Variants in ARID2 observed in about 807,000 individuals in gnomAD.
ARID2 encodes AT-rich interaction domain 2.
A neutral mutation model predicts 184.6 loss-of-function variants in ARID2; 32 were observed. That is an observed-to-expected ratio of 0.17 (90% CI 0.13 to 0.23). The LOEUF (loss-of-function observed/expected upper bound fraction) is 0.23. ARID2 is among the 10% of genes least tolerant of loss of function. ARID2 has a pLI of 1.00. For missense variants in ARID2, 1,696 were observed against 2,197.6 expected, an observed-to-expected ratio of 0.77 and a Z score of 4.56; for synonymous variants, 836 against 772.6, an observed-to-expected ratio of 1.08 and a Z score of -1.36.
At chr12:45,880,720 T>C (rs546161151) in intron 16 of ARID2, among the ~76,000 whole-genome samples, 1 of 152,348 alleles carries the variant, frequency 6.6e-6, no homozygotes, top group South Asian at 2.1e-4. Context: ...TTATACATGC[T>C]GATGTCTCAA....
rs914435442 is a variant in ARID2, at chr12:45,771,290, G to A, written c.284+39976G>A. On this transcript the variant is annotated intron_variant, in intron 3 of 20. Transcript: ENST00000334344. The stretch of plus-strand genomic sequence containing the variant: ...GGAGAATCGCTTGAGCCCGGGAGGC[G>A]GAGGTTGCAGTCAGCTGAGATCGTG... Among the ~76,000 whole-genome samples, 7 of 151,316 alleles carry A rather than the reference G, an allele frequency of 4.6e-5. No individual in the cohort carries two copies. In the East Asian group the frequency reaches 9.7e-4, roughly 21 times the overall value.
At chr12:45,741,352 C>G (rs1178929141) in intron 3 of ARID2, among the ~76,000 whole-genome samples, 1 of 152,094 alleles carries the variant, frequency 6.6e-6, no homozygotes. Context: ...CGCATGCCAC[C>G]CTGCCCAGCT....
Position 45,849,782 on chromosome 12 carries a change from A to T in ARID2, c.1912+6A>T, listed in dbSNP as rs747543463. The T allele has an allele frequency of 6.2e-7, 1 of 1,604,074 alleles. No homozygotes were observed. On this transcript the variant is annotated splice_donor_region_variant and intron_variant, in intron 14 of 20. Transcript: ENST00000334344. Reference sequence around the variant, plus strand: ...TCCTGCTCCTTCACCTGCAGGTGTTAATTTTTATTGTATTTTTAAAGTATT... The same window carrying T: ...TCCTGCTCCTTCACCTGCAGGTGTTTATTTTTATTGTATTTTTAAAGTATT...
At chr12:45,824,610 G>C (rs1418691599) in intron 6 of ARID2, among the ~76,000 whole-genome samples, 3 of 151,956 alleles carry the variant, frequency 2.0e-5, no homozygotes. Flanking sequence ...GCTGTTGTCA[G>C]AAAGGCAGCA....
chr12:45,829,805 T>C (rs528415687), intron 6 of ARID2, among the ~76,000 whole-genome samples: 1 of 149,498 alleles, frequency 6.7e-6, no homozygotes, highest in African/African-American at 2.4e-5. Context: ...CTTCTTCTTT[T>C]TTTTTTTTTT....
rs758220690 is a variant in ARID2 at position 45,850,927 on chromosome 12, A to C, written c.2804A>C (p.Gln935Pro). ...SVVIVSQPAQ[Q>P]GQTYAPAIHQ... ...GTGATTGTAAGCCAGCCAGCTCAAC[A>C]AGGTCAAACTTATGCACCAGCCATT... Residue 935 changes from glutamine to proline, a missense_variant, in exon 15 of 21, where the codon CAA (glutamine) becomes CCA (proline). Gln to Pro is a moderately conservative substitution (Grantham distance 76, BLOSUM62 -1). This residue lies in a region of ARID2 where 713 missense variants were observed against 824.4 expected (regional missense o/e 0.86). Coordinates refer to ENST00000334344, the MANE Select transcript of ARID2 (RefSeq NM_152641.4). 16 of 1,614,122 alleles carry C rather than the reference A, an allele frequency of 9.9e-6. No homozygotes were observed. The South Asian group carries it at 1.8e-4, about 18-fold the overall frequency.
intron 6 of ARID2, among the ~76,000 whole-genome samples, chr12:45,822,478 T>C (rs1376270190): frequency 2.0e-5 from 3 of 152,182 alleles, no homozygotes; most frequent in African/African-American, 7.2e-5. Flanking sequence ...AATTTGAGGC[T>C]GCAGTGAGCT....
intron 6 of ARID2, among the ~76,000 whole-genome samples, chr12:45,822,551 A>G (rs1422608774): frequency 3.3e-5 from 5 of 152,230 alleles, no homozygotes; most frequent in African/African-American, 1.2e-4. Context: ...AAATCAACCG[A>G]TAAATCAATA....
intron 12 of ARID2, 88 bp from the exon 13 acceptor site, chr12:45,848,729 GGTATAATTATTAGTTTTAA>G: frequency 2.2e-6 from 2 of 894,486 alleles, no homozygotes; most frequent in South Asian, 6.9e-5. Context: ...TTGATTAGTA[GGTATAATTATTAGTTTTAA>G]CACATTGCCT....
chr12:45,888,844 A>G (rs942920695), intron 16 of ARID2, among the ~76,000 whole-genome samples: 4 of 152,130 alleles, frequency 2.6e-5, no homozygotes, highest in Non-Finnish European at 5.9e-5. Flanking sequence ...TATTACAACA[A>G]TTTTTCAGCA....
chr12:45,782,812 A>C (rs1464122473), intron 3 of ARID2, among the ~76,000 whole-genome samples: 1 of 151,826 alleles, frequency 6.6e-6, no homozygotes, highest in African/African-American at 2.4e-5. Flanking sequence ...AAAAAAACTT[A>C]AGAAGTGAAA....
intron 3 of ARID2, among the ~76,000 whole-genome samples, chr12:45,777,072 G>A (rs1031729956): frequency 4.0e-5 from 6 of 151,610 alleles, no homozygotes; most frequent in Non-Finnish European, 7.4e-5. Context: ...GATTACAGAC[G>A]TGACCCATTG....
At chr12:45,738,129 C>T (rs1165413661) in intron 3 of ARID2, among the ~76,000 whole-genome samples, 1 of 151,266 alleles carries the variant, frequency 6.6e-6, no homozygotes, top group Non-Finnish European at 1.5e-5. Context: ...AAATGGGGTA[C>T]CATTTGTTTT....
At chr12:45,730,217 G>A (rs1350230860) in intron 2 of ARID2, 80 bp downstream of exon 2, 1 of 1,402,552 alleles carries the variant, frequency 7.1e-7, no homozygotes, top group Admixed American at 2.1e-5. Flanking sequence ...GTGGGCGCTT[G>A]GGGCTGGGGG....
At position 45,849,827 on chromosome 12, in the gene ARID2, T is replaced by C. The variant is rs1318298194; in HGVS notation, c.1912+51T>C. ...AGTATTACTGATTTAATAATAAAACTGAATGAAAAATATATATTCTATGCA... is the reference window on the plus strand; with the variant it reads ...AGTATTACTGATTTAATAATAAAACCGAATGAAAAATATATATTCTATGCA... On this transcript the variant is annotated intron_variant, in intron 14 of 20. Coordinates refer to ENST00000334344, the MANE Select transcript of ARID2 (RefSeq NM_152641.4). 4 of 1,527,502 alleles carry C rather than the reference T, an allele frequency of 2.6e-6. No individual in the cohort carries two copies. In the Admixed American group the frequency reaches 7.5e-5, roughly 29 times the overall value. 94.6% of individuals were successfully genotyped at this position (1,527,502 alleles called of 1,614,324 possible). A position where few individuals can be genotyped will look rare whatever the true frequency, so the allele number is the denominator to read the frequency against.
At chr12:45,800,505 T>G (rs1042055395) in intron 3 of ARID2, among the ~76,000 whole-genome samples, 3 of 102,606 alleles carry the variant, frequency 2.9e-5, no homozygotes, top group African/African-American at 1.2e-4. Flanking sequence ...CTTTTAGAGA[T>G]AAAGAAATTT....
intron 3 of ARID2, among the ~76,000 whole-genome samples, chr12:45,749,885 T>A (rs1437480965): frequency 6.6e-6 from 1 of 152,246 alleles, no homozygotes; most frequent in Non-Finnish European, 1.5e-5. Context: ...AGGCTTTGGC[T>A]TAAAGGAATG....
intron 6 of ARID2, among the ~76,000 whole-genome samples, chr12:45,823,882 TCTAA>T (rs1193812474): frequency 1.3e-5 from 2 of 152,072 alleles, no homozygotes; most frequent in Non-Finnish European, 2.9e-5. Context: ...CCAGTTCTTC[TCTAA>T]CTATTCCAAA....
At chr12:45,883,247 ATAG>A (rs1158660077) in intron 16 of ARID2, among the ~76,000 whole-genome samples, 1 of 152,098 alleles carries the variant, frequency 6.6e-6, no homozygotes, top group African/African-American at 2.4e-5. Flanking sequence ...TCTACCACAC[ATAG>A]TAGTAGAATT....
Sources: allele counts gnomAD v4.1 joint callset (sites outside exome capture counted in the v4.1 genomes callset), GRCh38; gene constraint gnomAD v4.1.1; regional missense constraint gnomAD v4.1.1; transcripts MANE v1.5; gene names NCBI Gene and HGNC (gene_info 2026-07-23, HGNC 2026-07-21).